The following COL16A1 variants were observed in gnomAD, a reference collection of about 807,000 sequenced individuals.
COL16A1 encodes the protein collagen type XVI alpha 1 chain.
In COL16A1, 189 loss-of-function variants were observed where a neutral mutation model predicts 266.3. The ratio of observed to expected loss-of-function variants is 0.71; its 90% CI spans 0.63 to 0.80. The LOEUF (loss-of-function observed/expected upper bound fraction) is 0.80, where lower values mean the gene tolerates loss of function less well. Ranked by LOEUF, COL16A1 falls within the 30% of genes least tolerant of loss-of-function variation. COL16A1 has a pLI of 0.00. For missense variants in COL16A1, 1,928 were observed against 2,122.4 expected (o/e 0.91, Z 1.80); for synonymous variants, 740 against 782.3 (o/e 0.95, Z 0.90).
Position 31,688,659 on chromosome 1 carries a change from G to T in COL16A1, c.1768-157C>A, listed in dbSNP as rs1644107526. The T allele has an allele frequency of 6.9e-6, 8 of 1,164,802 alleles. No individual in the cohort carries two copies. The highest frequency in any genetic ancestry group is 1.0e-5 in the Non-Finnish European group (8 of 792,132). The allele number at this position is 1,164,802 out of a possible 1,614,324, so 72.2% of individuals were successfully genotyped here. A position where few individuals can be genotyped will look rare whatever the true frequency, so the allele number is the denominator to read the frequency against. On this transcript the variant is annotated intron_variant, in intron 25 of 70. Coordinates refer to ENST00000373672, the MANE Select transcript of COL16A1 (RefSeq NM_001856.4). This position sits in a 1 kb window ranked among gnomAD's most constrained non-coding sequence, Gnocchi z 4.9. ...CTTCAGTTAGACAACTGAAGCTAGA[G>T]GTGCTAAGAGGAAGTTCCAGGGCAA... is the stretch of plus-strand genomic sequence containing the variant.
At chr1:31,687,072 A>G (rs1644013370) in intron 26 of COL16A1, among the ~76,000 whole-genome samples, 1 of 152,216 alleles carries the variant, frequency 6.6e-6, no homozygotes, top group Non-Finnish European at 1.5e-5. Context: ...TGATTCTTCT[A>G]CAAAGCCACA....
At chr1:31,680,836 G>T (rs1643579365) in intron 39 of COL16A1, 69 bp downstream of exon 39, 1 of 1,612,198 alleles carries the variant, frequency 6.2e-7, no homozygotes, top group Non-Finnish European at 8.5e-7. Context: ...CAGAGTACGG[G>T]TCACAGGTGG....
Position 31,694,169 on chromosome 1 carries a change from A to G in COL16A1, c.983T>C (p.Val328Ala). 6.3e-7 allele frequency: 1 copy of G among 1,592,112 alleles called. No homozygotes were observed. The highest frequency in any genetic ancestry group is 8.6e-7 in the Non-Finnish European group (1 of 1,166,092). ...CTTGGGGCCAGAGGGAGCAAGTGTG[A>G]CCTGAGGGGACAGAGGAGAGGGCAT... ...PCVHGARDSN[V>A]TLAPSGPKGG... The change falls in exon 12 of 71, where the codon GTC (valine) becomes GCC (alanine). Residue 328 changes from valine (V) to alanine (A), a missense_variant and splice_region_variant. Transcript: ENST00000373672.
intron 42 of COL16A1, among the ~76,000 whole-genome samples, chr1:31,678,796 GA>G (rs1187954654): frequency 6.6e-6 from 1 of 152,158 alleles, no homozygotes; most frequent in Non-Finnish European, 1.5e-5. Flanking sequence ...AGAGGTTAAG[GA>G]ACTTGCCTAC....
At chr1:31,692,101 G>C (rs750142020) in intron 16 of COL16A1, 34 bp from the exon 17 acceptor site, 2 of 1,612,976 alleles carry the variant, frequency 1.2e-6, no homozygotes, top group Non-Finnish European at 1.7e-6. Flanking sequence ...ACCAGGATGA[G>C]GGAAGGGCCT....
At chr1:31,672,678 C>A in intron 45 of COL16A1, 41 bp from the exon 46 acceptor site, 2 of 1,606,850 alleles carry the variant, frequency 1.2e-6, no homozygotes, top group South Asian at 1.1e-5. Context: ...GATGAGGCAG[C>A]CAGGGAACCC....
chr1:31,665,966 A>G (rs372261236), intron 53 of COL16A1, 31 bp from the exon 54 acceptor site: 3 of 1,613,546 alleles, frequency 1.9e-6, no homozygotes, highest in Non-Finnish European at 2.5e-6. Context: ...TGCAGCCGAA[A>G]CCTAATCTTC....
chr1:31,701,553 T>G, intron 2 of COL16A1: 2 of 985,346 alleles, frequency 2.0e-6, no homozygotes, highest in Non-Finnish European at 2.4e-6. Flanking sequence ...CCCCTGGCTT[T>G]GGGCCCTGGA....
chr1:31,653,933 G>C lies in COL16A1; in HGVS notation c.4468C>G (p.Pro1490Ala). The C allele has an allele frequency of 6.2e-7, 1 of 1,614,126 alleles. No homozygotes were observed. Among genetic ancestry groups the C allele is most frequent in the South Asian group, 1.1e-5 (1 of 91,074 alleles). The change falls in exon 69 of 71, where the codon CCA (proline) becomes GCA (alanine). Residue 1490 changes from proline (P) to alanine (A), a missense_variant. Pro to Ala is a conservative substitution (Grantham distance 27, BLOSUM62 -1). This residue lies in a region of COL16A1 where 376 missense variants were observed against 485.2 expected (regional missense o/e 0.77). Transcript: ENST00000373672. The part of the protein sequence containing the change: ...KDGAPGRPGA[P>A]GSPGLPGQIG... ...TGACCAGGGAGCCCAGGTGACCCTG[G>C]AGCACCTGGCCTGCCCGGAGCACCA...
Position 31,662,355 on chromosome 1 carries a change from C to G in COL16A1, c.3660G>C (p.Lys1220Asn). 6.2e-7 allele frequency: 1 copy of G among 1,613,048 alleles called. No homozygotes were observed. Residue 1220 changes from lysine (K) to asparagine (N), a missense_variant, in exon 58 of 71, where the codon AAG becomes AAC. This residue lies in a region of COL16A1 where 1,552 missense variants were observed against 1,637.2 expected (regional missense o/e 0.95). Transcript: ENST00000373672. ...TCACCCTCAAGCCAGGCTTGCCGTC[C>G]TTCCCATCCAAACCATCCAGACCGG... ...GPAGLDGLDG[K>N]DGKPGLRGDP...
At chr1:31,684,364 G>A in intron 31 of COL16A1, 133 bp from the exon 32 acceptor site, 2 of 1,456,666 alleles carry the variant, frequency 1.4e-6, no homozygotes, top group Non-Finnish European at 1.8e-6. Flanking sequence ...ACAGGCCCCT[G>A]ACACTCCTAG....
rs1177726980 is a variant in COL16A1, at chr1:31,670,668, T to C, written c.3151-22A>G. On this transcript the variant is annotated intron_variant, in intron 48 of 70. Transcript: ENST00000373672. This position sits in a 1 kb window ranked among gnomAD's most constrained non-coding sequence, Gnocchi z 4.5. Reference sequence around the variant, plus strand: ...GGCCCTGGTGGGAGAAACAGGCAGGTCACATCTCACAGGCACAGTAACCCT... The same window carrying C: ...GGCCCTGGTGGGAGAAACAGGCAGGCCACATCTCACAGGCACAGTAACCCT... 7.0e-7 allele frequency: 1 copy of C among 1,431,412 alleles called. No homozygotes were observed. Among genetic ancestry groups the C allele is most frequent in the South Asian group, 1.6e-5 (1 of 64,202 alleles). 88.7% of individuals were successfully genotyped at this position (1,431,412 alleles called of 1,614,324 possible). A position where few individuals can be genotyped will look rare whatever the true frequency, so the allele number is the denominator to read the frequency against.
chr1:31,694,088 G>A, intron 12 of COL16A1, 56 bp downstream of exon 12: 1 of 1,527,544 alleles, frequency 6.5e-7, no homozygotes, highest in Middle Eastern at 1.7e-4. Context: ...CATGCTGTGG[G>A]AATGGCTGGG....
rs754687750 is a variant in COL16A1 at position 31,690,522 on chromosome 1, C to T, written c.1482+7G>A. 2.5e-6 allele frequency: 4 copies of T among 1,614,032 alleles called. No individual in the cohort carries two copies. The South Asian group carries it at 4.4e-5, about 18-fold the overall frequency. On this transcript the variant is annotated splice_region_variant and intron_variant, in intron 21 of 70. Transcript: ENST00000373672. ...CGACCCTCCCCCGCTGGATTGGTGT[C>T]ACTCACAGGTTTCCCACCAGGGCCT...
rs768442111 is a variant in COL16A1, at chr1:31,693,123, G to A, written c.1040C>T (p.Pro347Leu). 1.2e-5 allele frequency: 19 copies of A among 1,611,312 alleles called. 1 individual carries two copies. Among genetic ancestry groups the A allele is most frequent in the East Asian group, 2.2e-5 (1 of 44,856 alleles). The change falls in exon 13 of 71, where the codon CCA (proline) becomes CTA (leucine). Residue 347 changes from proline to leucine, a missense_variant. Pro to Leu is a moderately conservative substitution (Grantham distance 98). Transcript: ENST00000373672. Reference protein sequence around the residue: ...GGKGERGLPGPPGSKGEKGAR... With the variant: ...GGKGERGLPGLPGSKGEKGAR... ...TCCCTTCTCTCCCTTGGAGCCTGGT[G>A]GACCAGGCAGGCCCCGCTCACCTTT...
rs780458686 is a variant in COL16A1 at position 31,652,867 on chromosome 1, G to C, written c.4613-14C>G. 1.4e-6 allele frequency: 2 copies of C among 1,473,960 alleles called. No individual in the cohort carries two copies. The highest frequency in any genetic ancestry group is 2.8e-5 in the Admixed American group (1 of 35,348). The allele number at this position is 1,473,960 out of a possible 1,614,324, so 91.3% of individuals were successfully genotyped here. A position where few individuals can be genotyped will look rare whatever the true frequency, so the allele number is the denominator to read the frequency against. On this transcript the variant is annotated splice_polypyrimidine_tract_variant and intron_variant, in intron 70 of 70. Coordinates refer to ENST00000373672, the MANE Select transcript of COL16A1 (RefSeq NM_001856.4). This position sits in a 1 kb window ranked among gnomAD's most constrained non-coding sequence, Gnocchi z 4.8. Reference sequence around the variant, plus strand: ...GACCTTGAGGACCTAGGGAGGGAAGGGCCACAGAGGGAAAATCAGAAGACC... The same window carrying C: ...GACCTTGAGGACCTAGGGAGGGAAGCGCCACAGAGGGAAAATCAGAAGACC...
intron 42 of COL16A1, among the ~76,000 whole-genome samples, chr1:31,675,626 C>G (rs553543841): frequency 2.6e-5 from 4 of 152,000 alleles, no homozygotes; most frequent in Non-Finnish European, 4.4e-5. Context: ...AGTCGTTTTT[C>G]TATATTTTCT....
chr1:31,684,031 T>C (rs1355458142), intron 32 of COL16A1, 28 bp from the exon 33 acceptor site: 1 of 1,613,134 alleles, frequency 6.2e-7, no homozygotes, highest in East Asian at 2.2e-5. Context: ...GCCCATGGAG[T>C]CCCCACAGGA....
intron 15 of COL16A1, 37 bp from the exon 16 acceptor site, chr1:31,692,546 A>C (rs1190538349): frequency 6.2e-7 from 1 of 1,613,906 alleles, no homozygotes; most frequent in Admixed American, 1.7e-5. Context: ...AGGGAGGGTA[A>C]GGCTGGGCCC....
Sources: gnomAD v4.1 joint callset for allele counts (sites outside exome capture counted in the v4.1 genomes callset) on GRCh38, gnomAD v4.1.1 for gene constraint, gnomAD v4.1.1 regional missense constraint, Gnocchi (gnomAD v3.1) non-coding constraint, MANE v1.5 for transcripts, NCBI Gene and HGNC (gene_info 2026-07-23, HGNC 2026-07-21) for gene names.